Variants in DKK2 observed in about 807,000 individuals in gnomAD.
DKK2 encodes dickkopf Wnt signaling pathway inhibitor 2.
DKK2 carries 11 observed loss-of-function variants against 28.1 expected under a neutral mutation model. The ratio of observed to expected loss-of-function variants is 0.39; its 90% CI spans 0.25 to 0.65. The LOEUF (loss-of-function observed/expected upper bound fraction) is 0.65. Ranked by LOEUF, DKK2 falls within the 30% of genes least tolerant of loss-of-function variation. The probability of loss-of-function intolerance (pLI) is 0.47; values close to 1 mark genes in which losing one functional copy is unlikely to be tolerated. For missense variants in DKK2, 326 were observed against 335.5 expected, an observed-to-expected ratio of 0.97 and a Z score of 0.22; for synonymous variants, 135 against 126.5, an observed-to-expected ratio of 1.07 and a Z score of -0.45.
chr4:106,992,860 G>A (rs1420607427), intron 1 of DKK2, among the ~76,000 whole-genome samples: 1 of 152,156 alleles, frequency 6.6e-6, no homozygotes, highest in African/African-American at 2.4e-5. Flanking sequence ...AGCACTTTGG[G>A]CTTGTTGCTA....
intron 1 of DKK2, among the ~76,000 whole-genome samples, chr4:106,977,095 T>C (rs2110356482): frequency 6.6e-6 from 1 of 152,352 alleles, no homozygotes; most frequent in East Asian, 1.9e-4. Flanking sequence ...GTAGGGTTTC[T>C]GCAGAGAGAT....
At chr4:107,028,342 TAA>T (rs1468670163) in intron 1 of DKK2, among the ~76,000 whole-genome samples, 3 of 142,830 alleles carry the variant, frequency 2.1e-5, no homozygotes, top group Non-Finnish European at 4.6e-5. Flanking sequence ...GAGGGGAGAT[TAA>T]GAGGCCACTT....
At chr4:107,008,265 A>G (rs532291706) in intron 1 of DKK2, among the ~76,000 whole-genome samples, 1 of 152,252 alleles carries the variant, frequency 6.6e-6, no homozygotes, top group African/African-American at 2.4e-5. Flanking sequence ...TGTGTTTGTT[A>G]TCATGCTAGA....
chr4:106,991,663 G>A (rs989512793), intron 1 of DKK2, among the ~76,000 whole-genome samples: 10 of 152,078 alleles, frequency 6.6e-5, no homozygotes, highest in Admixed American at 3.3e-4. Context: ...CAGTGTTTTC[G>A]TTTTATGCTA....
At chr4:107,019,844 A>T (rs538667193) in intron 1 of DKK2, among the ~76,000 whole-genome samples, 1 of 152,026 alleles carries the variant, frequency 6.6e-6, no homozygotes, top group Non-Finnish European at 1.5e-5. Context: ...TGAGTATACA[A>T]TTCTTAATTC....
intron 1 of DKK2, among the ~76,000 whole-genome samples, chr4:106,936,358 A>G (rs1386410269): frequency 2.0e-5 from 3 of 152,200 alleles, no homozygotes; most frequent in African/African-American, 7.2e-5. Flanking sequence ...CTGGAAGAAA[A>G]GGTATCAGCG....
At chr4:106,977,074 T>C (rs906539808) in intron 1 of DKK2, among the ~76,000 whole-genome samples, 1 of 152,204 alleles carries the variant, frequency 6.6e-6, no homozygotes, top group Non-Finnish European at 1.5e-5. Context: ...GCCCCCACTC[T>C]CTTCTGGCTT....
chr4:106,928,919 G>A (rs539629696), intron 1 of DKK2, among the ~76,000 whole-genome samples: 2 of 152,140 alleles, frequency 1.3e-5, no homozygotes, highest in African/African-American at 4.8e-5. Flanking sequence ...TTGGTGAAAG[G>A]GAGAGAGAGA....
chr4:106,945,600 T>A (rs1186485201), intron 1 of DKK2, among the ~76,000 whole-genome samples: 1 of 152,130 alleles, frequency 6.6e-6, no homozygotes, highest in East Asian at 1.9e-4. Flanking sequence ...ATTCATGTGT[T>A]CTGTTCACGT....
intron 1 of DKK2, among the ~76,000 whole-genome samples, chr4:107,011,404 GT>G (rs1328390812): frequency 2.0e-5 from 3 of 151,476 alleles, no homozygotes; most frequent in Admixed American, 2.0e-4. Flanking sequence ...GATTCACTTT[GT>G]TCATTTCTGA....
chr4:107,032,337 T>G (rs747473194), intron 1 of DKK2, among the ~76,000 whole-genome samples: 2 of 152,022 alleles, frequency 1.3e-5, no homozygotes, highest in Non-Finnish European at 2.9e-5. Flanking sequence ...CTCTAAATTT[T>G]TTCTAAAATT....
intron 1 of DKK2, among the ~76,000 whole-genome samples, chr4:106,950,424 A>AC (rs1248624399): frequency 1.3e-5 from 2 of 152,088 alleles, no homozygotes; most frequent in African/African-American, 4.8e-5. Context: ...CATTCTCCAC[A>AC]CCATATTCTC....
At chr4:107,002,157 G>A (rs1346043067) in intron 1 of DKK2, among the ~76,000 whole-genome samples, 1 of 152,116 alleles carries the variant, frequency 6.6e-6, no homozygotes, top group Non-Finnish European at 1.5e-5. Context: ...CCATCTGTTA[G>A]GGAAAAAATA....
chr4:106,981,778 C>CT (rs1723029439), intron 1 of DKK2, among the ~76,000 whole-genome samples: 1 of 152,038 alleles, frequency 6.6e-6, no homozygotes, highest in Middle Eastern at 3.2e-3. Flanking sequence ...AGGAATTTTT[C>CT]TTTTTTTACC....
At chr4:106,977,626 T>C (rs1278586763) in intron 1 of DKK2, among the ~76,000 whole-genome samples, 1 of 152,194 alleles carries the variant, frequency 6.6e-6, no homozygotes, top group Non-Finnish European at 1.5e-5. Flanking sequence ...TTACTCTAGT[T>C]AGCAATTTCT....
intron 1 of DKK2, among the ~76,000 whole-genome samples, chr4:106,934,522 C>T (rs1724550580): frequency 6.6e-6 from 1 of 152,196 alleles, no homozygotes; most frequent in Admixed American, 6.5e-5. Flanking sequence ...TACACAAACA[C>T]ACACACATAT....
At chr4:106,958,092 A>C (rs1468129088) in intron 1 of DKK2, among the ~76,000 whole-genome samples, 1 of 150,646 alleles carries the variant, frequency 6.6e-6, no homozygotes, top group Non-Finnish European at 1.5e-5. Flanking sequence ...TATGACCTAC[A>C]AAAGAAATGA....
chr4:106,997,164 C>T (rs977590085), intron 1 of DKK2, among the ~76,000 whole-genome samples: 8 of 152,030 alleles, frequency 5.3e-5, no homozygotes, highest in African/African-American at 1.9e-4. Context: ...AGTTCCAGTT[C>T]TTTTTCCAGT....
Position 106,925,888 on chromosome 4 carries a change from T to G in DKK2, c.284A>C (p.Gln95Pro), listed in dbSNP as rs1180792803. 1 of 1,613,828 alleles carries G rather than the reference T, an allele frequency of 6.2e-7. No individual in the cohort carries two copies. The highest frequency in any genetic ancestry group is 8.5e-7 in the Non-Finnish European group (1 of 1,179,892). Reference protein sequence around the residue: ...EVGRYCHSPHQGSSACMVCRR... With the variant: ...EVGRYCHSPHPGSSACMVCRR... ...ACACACCATGCAGGCCGATGATCCT[T>G]GGTGGGGACTGTGGCAATACCTCCC... is the stretch of plus-strand genomic sequence containing the variant. Residue 95 changes from glutamine to proline, a missense_variant, in exon 2 of 4, where the codon CAA becomes CCA. Physicochemically the swap from Gln to Pro is moderately conservative, Grantham distance 76. Coordinates refer to ENST00000285311, the MANE Select transcript of DKK2 (RefSeq NM_014421.3).
Sources: allele counts gnomAD v4.1 joint callset (sites outside exome capture counted in the v4.1 genomes callset), GRCh38; gene constraint gnomAD v4.1.1; transcripts MANE v1.5; gene names NCBI Gene and HGNC (gene_info 2026-07-23, HGNC 2026-07-21).